The following PPFIBP2 variants were observed in gnomAD, a reference collection of about 807,000 sequenced individuals.
PPFIBP2 encodes PPFIB scaffold protein 2.
A neutral mutation model predicts 118.3 loss-of-function variants in PPFIBP2; 118 were observed. The ratio of observed to expected loss-of-function variants is 1.00; its 90% CI spans 0.86 to 1.16. The LOEUF is 1.16. Ranked by LOEUF, PPFIBP2 falls within the 50% of genes most tolerant of loss-of-function variation. PPFIBP2 has a pLI of 0.00. For synonymous variants in PPFIBP2, 414 were observed against 397.4 expected, an observed-to-expected ratio of 1.04 and a Z score of -0.50; for missense variants, 1,195 against 1,073.1, an observed-to-expected ratio of 1.11 and a Z score of -1.59.
At chr11:7,516,707 C>T (rs752762171) in intron 1 of PPFIBP2, among the ~76,000 whole-genome samples, 1 of 152,134 alleles carries the variant, frequency 6.6e-6, no homozygotes, top group African/African-American at 2.4e-5. Context: ...TGCACAGTAC[C>T]CAGACGGCCC....
intron 1 of PPFIBP2, among the ~76,000 whole-genome samples, chr11:7,533,343 G>A (rs925663307): frequency 4.6e-5 from 7 of 152,120 alleles, no homozygotes; most frequent in Non-Finnish European, 1.0e-4. Flanking sequence ...AAGGTTACAT[G>A]CCCAGCCTCC....
In PPFIBP2 at chr11:7,603,030, A is replaced by G. The variant is rs191819405; in HGVS notation, c.486+5357A>G. ...CACAGTGAGTCAAGACACTGAGCCT[A>G]AGACACAGGCCTAGTAGATGGCTGG... On this transcript the variant is annotated intron_variant, in intron 5 of 23. Transcript: ENST00000299492. 1.4e-4 allele frequency among the ~76,000 whole-genome samples: 22 copies of G among 152,350 alleles called. No individual in the cohort carries two copies. The East Asian group carries it at 4.2e-3, about 29-fold the overall frequency.
At chr11:7,597,756 T>C (rs1369048008) in intron 5 of PPFIBP2, 83 bp downstream of exon 5, 1 of 1,117,636 alleles carries the variant, frequency 8.9e-7, no homozygotes, top group African/African-American at 1.5e-5. Flanking sequence ...GCTACAGCCC[T>C]CGCTGTCTGC....
Position 7,650,879 on chromosome 11 carries a change from C to T in PPFIBP2, c.2161C>T (p.His721Tyr). The T allele has an allele frequency of 6.2e-7, 1 of 1,614,026 alleles. No homozygotes were observed. Among genetic ancestry groups the T allele is most frequent in the Non-Finnish European group, 8.5e-7 (1 of 1,179,938 alleles). Residue 721 changes from histidine (H) to tyrosine (Y), a missense_variant, in exon 22 of 24, where the codon CAC (histidine) becomes TAC (tyrosine). Transcript: ENST00000299492. Reference protein sequence around the residue: ...SPSEVVQWSNHRVMEWLRSVD... With the variant: ...SPSEVVQWSNYRVMEWLRSVD... ...TTCAGAAGTTGTACAGTGGTCCAACCACAGGGTGATGGAGTGGTTACGATC... is the reference window on the plus strand; with the variant it reads ...TTCAGAAGTTGTACAGTGGTCCAACTACAGGGTGATGGAGTGGTTACGATC...
intron 1 of PPFIBP2, among the ~76,000 whole-genome samples, chr11:7,542,329 G>C (rs1401662992): frequency 6.6e-6 from 1 of 152,238 alleles, no homozygotes; most frequent in African/African-American, 2.4e-5. Context: ...AGAGGAGACA[G>C]ATGCCGCATT....
intron 10 of PPFIBP2, among the ~76,000 whole-genome samples, chr11:7,629,948 C>T (rs1281244423): frequency 2.0e-5 from 3 of 152,176 alleles, no homozygotes; most frequent in Non-Finnish European, 4.4e-5. Context: ...ACTCAGAGGG[C>T]CCTCTGGGAG....
At chr11:7,556,528 A>T (rs1248399698) in intron 2 of PPFIBP2, among the ~76,000 whole-genome samples, 1 of 152,214 alleles carries the variant, frequency 6.6e-6, no homozygotes, top group Admixed American at 6.5e-5. Flanking sequence ...ATTTTCGTTC[A>T]GTATTCTAGT....
At chr11:7,597,894 A>T (rs1440407931) in intron 5 of PPFIBP2, 1 of 502,456 alleles carries the variant, frequency 2.0e-6, no homozygotes, top group African/African-American at 1.9e-5. Context: ...TGAGATGAAT[A>T]ACCTGCTGAG....
rs959756530 is a variant in PPFIBP2, at chr11:7,616,356, GTTTGA to G, written c.619-4577_619-4573del. Among the ~76,000 whole-genome samples the G allele has an allele frequency of 9.2e-5, 14 of 152,204 alleles. No homozygotes were observed. Among genetic ancestry groups the G allele is most frequent in the African/African-American group, 3.4e-4 (14 of 41,446 alleles). ...CTTCTTGATTTTCAAAATGGCAAAA[GTTTGA>G]TAGATTCAGTAAATTTTAGTCTGTT... On this transcript the variant is annotated intron_variant, in intron 6 of 23. Transcript: ENST00000299492. This position sits in a 1 kb window ranked among gnomAD's most constrained non-coding sequence, Gnocchi z 5.2.
At chr11:7,663,352 G>A in the PPFIBP2 span, among the ~76,000 whole-genome samples, 1 of 151,192 alleles carries the variant, frequency 6.6e-6, no homozygotes, top group African/African-American at 2.4e-5. Flanking sequence ...CTGTTTGTTA[G>A]TTTTCCTTCT....
At chr11:7,549,309 A>G (rs1245735850) in intron 1 of PPFIBP2, 131 bp from the exon 2 acceptor site, 1 of 797,542 alleles carries the variant, frequency 1.3e-6, no homozygotes, top group African/African-American at 1.8e-5. Context: ...AGATGCAGAA[A>G]CTACATGTCG....
intron 2 of PPFIBP2, among the ~76,000 whole-genome samples, chr11:7,551,347 A>G (rs1852972205): frequency 6.6e-6 from 1 of 152,166 alleles, no homozygotes; most frequent in African/African-American, 2.4e-5. Context: ...GTTGTCAGGG[A>G]GGGATGAAAA....
intron 13 of PPFIBP2, among the ~76,000 whole-genome samples, 170 bp from the exon 14 acceptor site, chr11:7,635,382 T>C (rs1199049720): frequency 1.3e-5 from 2 of 152,230 alleles, no homozygotes; most frequent in East Asian, 3.9e-4. Flanking sequence ...TCCATGGAGT[T>C]GGACAGGGAT....
chr11:7,616,336 T>G lies in PPFIBP2; in HGVS notation c.619-4599T>G, dbSNP rs567164688. Among the ~76,000 whole-genome samples the G allele has an allele frequency of 1.1e-3, 164 of 152,356 alleles. No individual in the cohort carries two copies. The highest frequency in any genetic ancestry group is 9.3e-3 in the South Asian group (45 of 4,826). On this transcript the variant is annotated intron_variant, in intron 6 of 23. Transcript: ENST00000299492. This position sits in a 1 kb window ranked among gnomAD's most constrained non-coding sequence, Gnocchi z 5.2. ...AACTGGAAATGAACCATTTCCTTCT[T>G]GATTTTCAAAATGGCAAAAGTTTGA...
chr11:7,564,575 C>T (rs1390539909), intron 2 of PPFIBP2, among the ~76,000 whole-genome samples: 1 of 152,136 alleles, frequency 6.6e-6, no homozygotes, highest in East Asian at 1.9e-4. Flanking sequence ...ATAAGCCAAC[C>T]CAAACATAGT....
chr11:7,544,224 A>G (rs1413992844), intron 1 of PPFIBP2, among the ~76,000 whole-genome samples: 1 of 152,216 alleles, frequency 6.6e-6, no homozygotes, highest in Non-Finnish European at 1.5e-5. Flanking sequence ...TCAGTATCAG[A>G]AGCCAGCCTG....
chr11:7,638,177 G>A (rs187352304), intron 14 of PPFIBP2, among the ~76,000 whole-genome samples: 5 of 152,336 alleles, frequency 3.3e-5, no homozygotes, highest in African/African-American at 1.2e-4. Flanking sequence ...TGTGCTTCCA[G>A]AGGGACTGAA....
chr11:7,593,109 T>TC, intron 3 of PPFIBP2, 23 bp from the exon 4 acceptor site: 1 of 1,605,762 alleles, frequency 6.2e-7, no homozygotes, highest in South Asian at 1.1e-5. Flanking sequence ...TTAAGTGTAT[T>TC]CTTTTTTTTC....
chr11:7,619,550 G>T (rs1480251007), intron 6 of PPFIBP2, among the ~76,000 whole-genome samples: 1 of 152,202 alleles, frequency 6.6e-6, no homozygotes, highest in Non-Finnish European at 1.5e-5. Context: ...ATGCCATGGG[G>T]TCAGTTGCTT....
Sources: gnomAD v4.1 joint callset for allele counts (sites outside exome capture counted in the v4.1 genomes callset) on GRCh38, gnomAD v4.1.1 for gene constraint, Gnocchi (gnomAD v3.1) non-coding constraint, MANE v1.5 for transcripts, NCBI Gene and HGNC (gene_info 2026-07-23, HGNC 2026-07-21) for gene names.